Variants in PCDH1 observed in about 807,000 individuals in gnomAD.
PCDH1 encodes the protein protocadherin-1.
In PCDH1, 23 loss-of-function variants were observed where a neutral mutation model predicts 74.6. That is an observed-to-expected ratio of 0.31 (90% CI 0.22 to 0.44). The LOEUF is 0.44. PCDH1 is among the 20% of genes least tolerant of loss of function. The pLI, the probability that PCDH1 is intolerant of heterozygous loss-of-function variation, is 1.00. For missense variants in PCDH1, 1,214 were observed against 1,641.4 expected, an observed-to-expected ratio of 0.74 and a Z score of 4.50; for synonymous variants, 647 against 686.1, an observed-to-expected ratio of 0.94 and a Z score of 0.89.
At chr5:141,873,295 T>G (rs1231687014) in intron 1 of PCDH1, among the ~76,000 whole-genome samples, 2 of 92,454 alleles carry the variant, frequency 2.2e-5, no homozygotes, top group Non-Finnish European at 3.6e-5. Context: ...CCGGCTAAAT[T>G]TTTTTTTTTT....
At position 141,868,366 on chromosome 5, in the gene PCDH1, C is replaced by T. The variant is rs571514510; in HGVS notation, c.903+203G>A. The T allele has an allele frequency of 3.8e-6, 5 of 1,331,178 alleles. No homozygotes were observed. Among genetic ancestry groups the T allele is most frequent in the African/African-American group, 3.0e-5 (2 of 67,714 alleles). 82.5% of individuals were successfully genotyped at this position (1,331,178 alleles called of 1,614,324 possible). A position where few individuals can be genotyped will look rare whatever the true frequency, so the allele number is the denominator to read the frequency against. On this transcript the variant is annotated intron_variant, in intron 2 of 4. Transcript: ENST00000287008. This position sits in a 1 kb window ranked among gnomAD's most constrained non-coding sequence, Gnocchi z 4.8. ...CTGTTCATATGCTATTTCACTGTCA[C>T]CTAAGTAGCCTGATAGAGGAAAGTA...
intron 1 of PCDH1, among the ~76,000 whole-genome samples, chr5:141,871,326 T>C (rs1362388866): frequency 2.0e-5 from 3 of 152,256 alleles, no homozygotes; most frequent in South Asian, 2.1e-4. Context: ...TAAACAAGAC[T>C]GGTCCAATCT....
Position 141,865,422 on chromosome 5 carries a change from C to T in PCDH1, c.909G>A (p.Lys303=), listed in dbSNP as rs753150680. ...SPIGHSVIQV[K]ANDSDQGANA... ...TGGCACCTTGGTCTGAGTCATTGGC[C>T]TTCACCTATAGGGCAGGAGAGAAAA... Residue 303 remains lysine (K), a synonymous_variant, in exon 3 of 5, where the codon AAG becomes AAA. Coordinates refer to ENST00000287008, the MANE Select transcript of PCDH1 (RefSeq NM_032420.5). This position sits in a 1 kb window ranked among gnomAD's most constrained non-coding sequence, Gnocchi z 4.4. 6.2e-7 allele frequency: 1 copy of T among 1,612,508 alleles called. No homozygotes were observed. The highest frequency in any genetic ancestry group is 1.1e-5 in the South Asian group (1 of 91,054).
chr5:141,874,618 A>T (rs1483889205), intron 1 of PCDH1, among the ~76,000 whole-genome samples: 1 of 152,158 alleles, frequency 6.6e-6, no homozygotes, highest in Non-Finnish European at 1.5e-5. Flanking sequence ...CTGGGAAGGG[A>T]TGAGAACAGA....
intron 4 of PCDH1, 28 bp downstream of exon 4, chr5:141,857,224 G>A: frequency 6.6e-7 from 1 of 1,514,370 alleles, no homozygotes; most frequent in Non-Finnish European, 8.8e-7. Flanking sequence ...CATTCCTGGG[G>A]TGCCCTGACC....
At chr5:141,876,826 C>T (rs1753250857) in intron 1 of PCDH1, among the ~76,000 whole-genome samples, 1 of 152,234 alleles carries the variant, frequency 6.6e-6, no homozygotes, top group South Asian at 2.1e-4. Flanking sequence ...ACCCAGGTGG[C>T]TCAGAAAACT....
In PCDH1 at chr5:141,864,247, C is replaced by T. The variant is rs1752710258; in HGVS notation, c.2084G>A (p.Arg695His). Residue 695 changes from arginine to histidine, a missense_variant, in exon 3 of 5, where the codon CGC (arginine) becomes CAC (histidine). By Grantham distance (29) the Arg-to-His change is conservative (BLOSUM62 0). Around this residue, in one of 4 missense-constraint regions of PCDH1, gnomAD observed 836 missense variants for 1,182.2 expected, o/e 0.71. Transcript: ENST00000287008. This position sits in a 1 kb window ranked among gnomAD's most constrained non-coding sequence, Gnocchi z 5.9. ...LKAVDGGVPP[R>H]SAYVGVTINV... ...GATGGTGACACCAACGTAAGCTGAG[C>T]GAGGTGGGACGCCACCATCCACTGC... 4.3e-6 allele frequency: 7 copies of T among 1,610,682 alleles called. No homozygotes were observed. The highest frequency in any genetic ancestry group is 2.7e-5 in the African/African-American group (2 of 74,808).
intron 1 of PCDH1, among the ~76,000 whole-genome samples, chr5:141,875,961 A>G (rs1377135062): frequency 6.6e-6 from 1 of 152,006 alleles, no homozygotes; most frequent in Non-Finnish European, 1.5e-5. Context: ...CTTCCCTGGC[A>G]GCTCCCGAGG....
Position 141,867,427 on chromosome 5 carries a change from T to C in PCDH1, c.903+1142A>G, listed in dbSNP as rs1392275612. On this transcript the variant is annotated intron_variant, in intron 2 of 4. Coordinates refer to ENST00000287008, the MANE Select transcript of PCDH1 (RefSeq NM_032420.5). ...GATATCAGGCGAGTTTTCTAATCTG[T>C]TTGGGCCCGGTTTCTCATCTGCAAA... 5.5e-6 allele frequency: 2 copies of C among 362,264 alleles called. 1 individual carries two copies. The highest frequency in any genetic ancestry group is 4.3e-5 in the South Asian group (2 of 46,854). The allele number at this position is 362,264 out of a possible 1,614,324, so 22.4% of individuals were successfully genotyped here.
chr5:141,863,983 C>T lies in PCDH1; in HGVS notation c.2348G>A (p.Arg783His), dbSNP rs755265366. Residue 783 changes from arginine to histidine, a missense_variant, in exon 3 of 5, where the codon CGC (arginine) becomes CAC (histidine). This residue lies in a region of PCDH1 where 836 missense variants were observed against 1,182.2 expected (regional missense o/e 0.71). Transcript: ENST00000287008. This position sits in a 1 kb window ranked among gnomAD's most constrained non-coding sequence, Gnocchi z 7.5. ...CACCAGGCGGTGTAGCCCATGGTGG[C>T]GCCGCTCAATCTCCTTCTCCAGGGT... Reference protein sequence around the residue: ...AITLEKEIERRHHGLHRLVVK... With the variant: ...AITLEKEIERHHHGLHRLVVK... The T allele has an allele frequency of 5.0e-6, 8 of 1,613,676 alleles. No homozygotes were observed. In the Admixed American group the frequency reaches 5.0e-5, roughly 10 times the overall value.
At chr5:141,877,951 G>A (rs924703123) in intron 1 of PCDH1, among the ~76,000 whole-genome samples, 39 of 152,152 alleles carry the variant, frequency 2.6e-4, no homozygotes, top group African/African-American at 8.4e-4. Context: ...CCGTCTCTCC[G>A]AGCGCGCCCA....
rs771701878 is a variant in PCDH1, at chr5:141,854,017, G to T, written c.*25C>A. On this transcript the variant is annotated 3_prime_UTR_variant, in exon 5 of 5. Transcript: ENST00000287008. ...GGGAGCTGGCCGGCGGCTGGGGGAG[G>T]GGGGCCGGCCGGCCAGTAGGGGGCT... 3.4e-6 allele frequency: 5 copies of T among 1,478,514 alleles called. No individual in the cohort carries two copies. The highest frequency in any genetic ancestry group is 4.7e-5 in the East Asian group (2 of 42,728). The allele number at this position is 1,478,514 out of a possible 1,614,324, so 91.6% of individuals were successfully genotyped here.
At position 141,865,770 on chromosome 5, in the gene PCDH1, A is replaced by T. The variant is rs1752797987; in HGVS notation, c.904-343T>A. Among the ~76,000 whole-genome samples, 1 of 152,204 alleles carries T rather than the reference A, an allele frequency of 6.6e-6. No individual in the cohort carries two copies. Among genetic ancestry groups the T allele is most frequent in the Non-Finnish European group, 1.5e-5 (1 of 68,038 alleles). On this transcript the variant is annotated intron_variant, in intron 2 of 4. Coordinates refer to ENST00000287008, the MANE Select transcript of PCDH1 (RefSeq NM_032420.5). The surrounding 1 kb of genome is among the most constrained non-coding windows in gnomAD (Gnocchi z 4.4). ...CCAGGAGAGGATGAGGATCCAATAGAACTAGGGAAGCCATTTCACCAATGA... is the reference window on the plus strand; with the variant it reads ...CCAGGAGAGGATGAGGATCCAATAGTACTAGGGAAGCCATTTCACCAATGA...
intron 1 of PCDH1, among the ~76,000 whole-genome samples, chr5:141,875,732 C>A (rs1753210283): frequency 6.6e-6 from 1 of 152,146 alleles, no homozygotes; most frequent in Non-Finnish European, 1.5e-5. Flanking sequence ...AGAACTGAAT[C>A]CAGACTTGCC....
chr5:141,865,074 C>A lies in PCDH1; in HGVS notation c.1257G>T (p.Val419=). 1 of 1,614,192 alleles carries A rather than the reference C, an allele frequency of 6.2e-7. No individual in the cohort carries two copies. Among genetic ancestry groups the A allele is most frequent in the Non-Finnish European group, 8.5e-7 (1 of 1,180,038 alleles). ...AEETAVALVQ[V]SDRDEGENAA... is the part of the protein sequence containing the mutation. The stretch of plus-strand genomic sequence containing the variant: ...CATTCTCTCCCTCATCTCGGTCAGA[C>A]ACCTGCACCAGGGCCACAGCTGTCT... Residue 419 remains valine, a synonymous_variant, in exon 3 of 5, where the codon GTG becomes GTT. Coordinates refer to ENST00000287008, the MANE Select transcript of PCDH1 (RefSeq NM_032420.5). This position sits in a 1 kb window ranked among gnomAD's most constrained non-coding sequence, Gnocchi z 4.4.
intron 2 of PCDH1, among the ~76,000 whole-genome samples, chr5:141,867,068 A>C (rs535761805): frequency 6.6e-6 from 1 of 152,076 alleles, no homozygotes; most frequent in East Asian, 1.9e-4. Flanking sequence ...CCCTCACCCC[A>C]GTCTACCTGT....
At chr5:141,870,932 C>T (rs1014297279) in intron 1 of PCDH1, among the ~76,000 whole-genome samples, 2 of 152,190 alleles carry the variant, frequency 1.3e-5, no homozygotes, top group Non-Finnish European at 2.9e-5. Context: ...CCACATCAAT[C>T]CCACTGAGGG....
In PCDH1 at chr5:141,854,073, G is replaced by A; in HGVS notation, c.3683C>T (p.Ala1228Val). The A allele has an allele frequency of 6.5e-7, 1 of 1,528,426 alleles. No individual in the cohort carries two copies. The highest frequency in any genetic ancestry group is 8.8e-7 in the Non-Finnish European group (1 of 1,135,816). The allele number at this position is 1,528,426 out of a possible 1,614,324, so 94.7% of individuals were successfully genotyped here. ...DFPPAATPAS[A>V]QTAKREIYL Reference sequence around the variant, plus strand: ...GTAGATCTCGCGCTTGGCCGTCTGGGCAGATGCCGGTGTGGCTGCGGGTGG... The same window carrying A: ...GTAGATCTCGCGCTTGGCCGTCTGGACAGATGCCGGTGTGGCTGCGGGTGG... The change falls in exon 5 of 5, where the codon GCC (alanine) becomes GTC (valine). Residue 1228 changes from alanine (A) to valine (V), a missense_variant. Coordinates refer to ENST00000287008, the MANE Select transcript of PCDH1 (RefSeq NM_032420.5).
At chr5:141,875,369 T>C (rs1401336599) in intron 1 of PCDH1, among the ~76,000 whole-genome samples, 3 of 152,106 alleles carry the variant, frequency 2.0e-5, no homozygotes, top group Non-Finnish European at 4.4e-5. Flanking sequence ...CCACCCACCA[T>C]GGACCCTGGC....
Sources: gnomAD v4.1 joint callset for allele counts (sites outside exome capture counted in the v4.1 genomes callset) on GRCh38, gnomAD v4.1.1 for gene constraint, gnomAD v4.1.1 regional missense constraint, Gnocchi (gnomAD v3.1) non-coding constraint, MANE v1.5 for transcripts, NCBI Gene and HGNC (gene_info 2026-07-23, HGNC 2026-07-21) for gene names.